Variants in LRP1B observed in about 807,000 individuals in gnomAD.
LRP1B encodes the protein low-density lipoprotein receptor-related protein 1B.
In LRP1B, 217 loss-of-function variants were observed where a neutral mutation model predicts 556.6. The observed-to-expected ratio is 0.39, with a 90% CI of 0.35 to 0.44. The LOEUF is 0.44. Among genes scored for constraint, LRP1B ranks in the 20% least tolerant of loss-of-function variants. The pLI is 1.00. For synonymous variants in LRP1B, 2,047 were observed against 1,865.8 expected (o/e 1.10, Z -2.50); for missense variants, 5,053 against 5,620.8 (o/e 0.90, Z 3.23).
chr2:140,971,481 TA>T (rs1191168935), intron 18 of LRP1B, among the ~76,000 whole-genome samples: 4 of 152,184 alleles, frequency 2.6e-5, no homozygotes, highest in Admixed American at 6.5e-5. Context: ...GTGGTAGCCC[TA>T]AAAAATTCTA....
intron 41 of LRP1B, among the ~76,000 whole-genome samples, chr2:140,609,775 T>C (rs934857900): frequency 6.6e-6 from 1 of 152,152 alleles, no homozygotes; most frequent in Non-Finnish European, 1.5e-5. Context: ...TGCCGTTACC[T>C]CTTGTCTAAG....
intron 12 of LRP1B, among the ~76,000 whole-genome samples, chr2:141,017,838 A>AAT (rs1697950965): frequency 6.6e-6 from 1 of 151,818 alleles, no homozygotes; most frequent in Admixed American, 6.6e-5. Flanking sequence ...CTACAAAAAA[A>AAT]ATACAAAAAG....
At chr2:141,297,625 CTA>C (rs1686231040) in intron 3 of LRP1B, among the ~76,000 whole-genome samples, 1 of 152,110 alleles carries the variant, frequency 6.6e-6, no homozygotes, top group Admixed American at 6.6e-5. Flanking sequence ...AGTCCTGTGT[CTA>C]TATAAAATCC....
intron 41 of LRP1B, among the ~76,000 whole-genome samples, chr2:140,693,368 A>G (rs1686313675): frequency 6.6e-6 from 1 of 152,102 alleles, no homozygotes; most frequent in African/African-American, 2.4e-5. Flanking sequence ...CCCAGGCTAG[A>G]GTGCAGTGGT....
intron 1 of LRP1B, among the ~76,000 whole-genome samples, chr2:141,938,821 A>G (rs570471507): frequency 9.2e-5 from 14 of 152,194 alleles, no homozygotes; most frequent in African/African-American, 3.4e-4. Context: ...TTCAACTTTG[A>G]AAAAGAAGGT....
intron 7 of LRP1B, among the ~76,000 whole-genome samples, chr2:141,179,486 T>G (rs937365039): frequency 6.6e-6 from 1 of 152,086 alleles, no homozygotes; most frequent in South Asian, 2.1e-4. Flanking sequence ...AAAAATAGTT[T>G]TGTTTTTACC....
chr2:141,474,480 T>G (rs892606328), intron 3 of LRP1B, among the ~76,000 whole-genome samples: 1 of 152,162 alleles, frequency 6.6e-6, no homozygotes, highest in African/African-American at 2.4e-5. Context: ...ACCAGCTACA[T>G]AAATTTTTAA....
intron 2 of LRP1B, among the ~76,000 whole-genome samples, chr2:141,772,203 G>A (rs1694923676): frequency 6.6e-6 from 1 of 152,090 alleles, no homozygotes; most frequent in Admixed American, 6.6e-5. Flanking sequence ...CCTGCACCCC[G>A]ATCTTGGACA....
At chr2:140,991,669 C>G (rs1173896399) in intron 16 of LRP1B, among the ~76,000 whole-genome samples, 3 of 152,072 alleles carry the variant, frequency 2.0e-5, no homozygotes, top group African/African-American at 4.8e-5. Flanking sequence ...GGTTTGGCAA[C>G]TACTGTAATA....
In LRP1B at chr2:140,232,998, A is replaced by G. The variant is rs1029372629; in HGVS notation, c.*188T>C. On this transcript the variant is annotated 3_prime_UTR_variant, in exon 91 of 91. Coordinates refer to ENST00000389484, the MANE Select transcript of LRP1B (RefSeq NM_018557.3). ...TAGTGCAGTTCTTTTTCATAAAAAT[A>G]CCATACAAATGGTCAATCAATAGTC... 4 of 417,826 alleles carry G rather than the reference A, an allele frequency of 9.6e-6. No homozygotes were observed. The highest frequency in any genetic ancestry group is 6.6e-5 in the South Asian group (1 of 15,114). 25.9% of individuals were successfully genotyped at this position (417,826 alleles called of 1,614,324 possible).
chr2:140,469,514 C>G (rs1687679650), intron 60 of LRP1B, among the ~76,000 whole-genome samples: 1 of 152,188 alleles, frequency 6.6e-6, no homozygotes, highest in South Asian at 2.1e-4. Context: ...TTGCTCTTTT[C>G]ATTTTGAAGA....
At chr2:141,013,840 T>A in intron 13 of LRP1B, 95 bp from the exon 14 acceptor site, 1 of 626,714 alleles carries the variant, frequency 1.6e-6, no homozygotes, top group Non-Finnish European at 2.5e-6. Context: ...GTATAACAGA[T>A]AATAATCTCA....
intron 3 of LRP1B, among the ~76,000 whole-genome samples, chr2:141,424,530 C>T (rs1680277148): frequency 6.6e-6 from 1 of 152,166 alleles, no homozygotes; most frequent in African/African-American, 2.4e-5. Flanking sequence ...CTTCATTACT[C>T]TTACCCATTC....
At chr2:140,394,807 G>C (rs1387574697) in intron 66 of LRP1B, among the ~76,000 whole-genome samples, 4 of 152,108 alleles carry the variant, frequency 2.6e-5, no homozygotes. Flanking sequence ...GTTGTTTGAG[G>C]TCATGCCTAT....
chr2:140,969,928 C>A (rs536712399), intron 18 of LRP1B, among the ~76,000 whole-genome samples: 3 of 152,138 alleles, frequency 2.0e-5, no homozygotes, highest in Admixed American at 6.6e-5. Flanking sequence ...GGGTAAAACC[C>A]GACCTTTCTC....
intron 1 of LRP1B, among the ~76,000 whole-genome samples, chr2:141,863,812 A>T (rs1261878093): frequency 1.3e-5 from 2 of 151,820 alleles, no homozygotes; most frequent in East Asian, 3.9e-4. Context: ...TACTACACCA[A>T]CTTCTAGTAT....
intron 2 of LRP1B, among the ~76,000 whole-genome samples, chr2:141,770,042 G>C (rs1055704982): frequency 2.0e-5 from 3 of 152,088 alleles, no homozygotes; most frequent in Non-Finnish European, 4.4e-5. Flanking sequence ...GCATGAGAGC[G>C]GGGACAAAAA....
At chr2:141,052,627 C>T (rs189250509) in intron 10 of LRP1B, among the ~76,000 whole-genome samples, 36 of 152,074 alleles carry the variant, frequency 2.4e-4, no homozygotes, top group African/African-American at 7.5e-4. Context: ...AAATGTCTTA[C>T]GAACTGTGAC....
intron 35 of LRP1B, among the ~76,000 whole-genome samples, chr2:140,754,311 G>A (rs747191889): frequency 6.6e-6 from 1 of 152,166 alleles, no homozygotes; most frequent in Non-Finnish European, 1.5e-5. Context: ...CCCCTCTGGA[G>A]TGAGAAGAAA....
Sources: allele counts gnomAD v4.1 joint callset (sites outside exome capture counted in the v4.1 genomes callset), GRCh38; gene constraint gnomAD v4.1.1; transcripts MANE v1.5; gene names NCBI Gene and HGNC (gene_info 2026-07-23, HGNC 2026-07-21).